The following SV2C variants were observed in gnomAD, a reference collection of about 807,000 sequenced individuals.
SV2C encodes the protein synaptic vesicle glycoprotein 2C.
Under a neutral mutation model 79.7 loss-of-function variants are expected in SV2C, and 49 were observed. That is an observed-to-expected ratio of 0.61 (90% CI 0.49 to 0.78). SV2C has a LOEUF of 0.78. SV2C is among the 30% of genes least tolerant of loss of function. The pLI, the probability that SV2C is intolerant of heterozygous loss-of-function variation, is 0.00. For synonymous variants in SV2C, 334 were observed against 333.2 expected (o/e 1.00, Z -0.03); for missense variants, 833 against 912.9 (o/e 0.91, Z 1.13).
chr5:76,194,162 TA>T (rs772962590), intron 2 of SV2C, among the ~76,000 whole-genome samples: 165 of 152,168 alleles, frequency 1.1e-3, no homozygotes, highest in Non-Finnish European at 1.9e-3. Context: ...GAGAAGGGGA[TA>T]GGCGAGGCTT....
At chr5:76,027,361 C>A in the SV2C span, among the ~76,000 whole-genome samples, 1 of 150,524 alleles carries the variant, frequency 6.6e-6, no homozygotes, top group South Asian at 2.1e-4. Flanking sequence ...CAAGCCCAAC[C>A]TTTTTTCAGT....
intron 4 of SV2C, among the ~76,000 whole-genome samples, chr5:76,284,810 G>A (rs186412189): frequency 4.6e-5 from 7 of 152,368 alleles, no homozygotes; most frequent in African/African-American, 9.6e-5. Flanking sequence ...GCACACAGCA[G>A]AGTGGGAAAG....
At chr5:75,944,987 G>GA in the SV2C span, among the ~76,000 whole-genome samples, 2 of 151,406 alleles carry the variant, frequency 1.3e-5, no homozygotes, top group African/African-American at 2.4e-5. Flanking sequence ...ACCAATGTGT[G>GA]AAAAAAAACC....
chr5:76,247,308 C>T (rs542987662), intron 4 of SV2C, among the ~76,000 whole-genome samples: 4 of 152,276 alleles, frequency 2.6e-5, no homozygotes, highest in East Asian at 3.9e-4. Context: ...TAAACACTTA[C>T]AGGTACTTTT....
intron 1 of SV2C, among the ~76,000 whole-genome samples, chr5:76,108,951 T>C (rs1264448533): frequency 6.6e-6 from 1 of 152,202 alleles, no homozygotes; most frequent in African/African-American, 2.4e-5. Flanking sequence ...TAGCCCAAGG[T>C]CCCCAGCCAA....
At chr5:76,034,256 A>T in the SV2C span, among the ~76,000 whole-genome samples, 1 of 152,070 alleles carries the variant, frequency 6.6e-6, no homozygotes, top group East Asian at 1.9e-4. Flanking sequence ...CTCCTGCCTG[A>T]TTGCCCTGGC....
intron 2 of SV2C, among the ~76,000 whole-genome samples, chr5:76,144,432 C>T (rs540236337): frequency 6.6e-6 from 1 of 152,296 alleles, no homozygotes; most frequent in South Asian, 2.1e-4. Context: ...AGCCCTTTCA[C>T]TCACCATTCA....
intron 4 of SV2C, among the ~76,000 whole-genome samples, chr5:76,282,108 CAT>C (rs1452948408): frequency 6.6e-6 from 1 of 152,172 alleles, no homozygotes; most frequent in African/African-American, 2.4e-5. Flanking sequence ...GTGTGAGAAA[CAT>C]GTGAGGGGAG....
intron 2 of SV2C, among the ~76,000 whole-genome samples, chr5:76,183,773 A>G (rs1336445799): frequency 4.6e-5 from 7 of 152,106 alleles, no homozygotes; most frequent in African/African-American, 2.4e-5. Flanking sequence ...ACCTTTGAAG[A>G]TGATATTCTT....
intron 4 of SV2C, among the ~76,000 whole-genome samples, chr5:76,274,722 G>A (rs1423962984): frequency 1.4e-5 from 2 of 142,058 alleles, no homozygotes; most frequent in African/African-American, 5.3e-5. Context: ...AGAAGGAGAT[G>A]AAAAATCTCT....
At chr5:76,005,691 T>C in the SV2C span, among the ~76,000 whole-genome samples, 1 of 152,214 alleles carries the variant, frequency 6.6e-6, no homozygotes, top group Non-Finnish European at 1.5e-5. Flanking sequence ...GCTAAGCTGA[T>C]AGACTTCTTG....
chr5:75,886,419 A>G, the SV2C span, among the ~76,000 whole-genome samples: 6 of 152,148 alleles, frequency 3.9e-5, no homozygotes, highest in African/African-American at 1.2e-4. Flanking sequence ...AGTCCTCTTC[A>G]GAGTCTGTTT....
the SV2C span, among the ~76,000 whole-genome samples, chr5:75,869,623 C>T: frequency 0.086 from 13,033 of 152,212 alleles, 741 homozygotes; most frequent in East Asian, 0.16. Flanking sequence ...CTGGCTTTGT[C>T]ACCTGGTGAT....
intron 12 of SV2C, among the ~76,000 whole-genome samples, chr5:76,324,642 G>A (rs1041469251): frequency 1.3e-5 from 2 of 151,830 alleles, no homozygotes; most frequent in African/African-American, 4.8e-5. Context: ...CCAGGAGTTT[G>A]AGACCAGCCA....
intron 2 of SV2C, among the ~76,000 whole-genome samples, chr5:76,152,106 G>A (rs1319719482): frequency 6.6e-5 from 10 of 152,222 alleles, no homozygotes; most frequent in Admixed American, 6.5e-4. Context: ...GAAGGAGCAA[G>A]TGGGCACAAT....
intron 1 of SV2C, among the ~76,000 whole-genome samples, chr5:76,090,843 T>C (rs903449732): frequency 1.3e-5 from 2 of 152,220 alleles, no homozygotes; most frequent in Non-Finnish European, 2.9e-5. Context: ...TTTTATTCTT[T>C]GCTTTAAATT....
intron 1 of SV2C, among the ~76,000 whole-genome samples, chr5:76,104,088 C>A (rs1207924882): frequency 6.6e-6 from 1 of 152,176 alleles, no homozygotes; most frequent in South Asian, 2.1e-4. Context: ...GACTTTAACT[C>A]ATTTGCTAAC....
chr5:75,876,643 T>C, the SV2C span, among the ~76,000 whole-genome samples: 1,491 of 152,128 alleles, frequency 9.8e-3, 14 homozygotes, highest in East Asian at 0.035. Flanking sequence ...GGTTTGTAAA[T>C]TGATAGGTGT....
chr5:76,264,801 T>C (rs1362455677), intron 4 of SV2C, among the ~76,000 whole-genome samples: 1 of 152,178 alleles, frequency 6.6e-6, no homozygotes, highest in Non-Finnish European at 1.5e-5. Flanking sequence ...TGCTCCTTCC[T>C]CTGGAAGGTT....
Sources: allele counts gnomAD v4.1 joint callset (sites outside exome capture counted in the v4.1 genomes callset), GRCh38; gene constraint gnomAD v4.1.1; transcripts MANE v1.5; gene names NCBI Gene and HGNC (gene_info 2026-07-23, HGNC 2026-07-21).